Variants in RPS6KC1 observed in about 807,000 individuals in gnomAD.
The protein encoded by RPS6KC1 is inactive ribosomal protein S6 kinase delta-1.
In RPS6KC1, 54 loss-of-function variants were observed where a neutral mutation model predicts 103.8. That is an observed-to-expected ratio of 0.52 (90% CI 0.42 to 0.65). The LOEUF is 0.65. Ranked by LOEUF, RPS6KC1 falls within the 30% of genes least tolerant of loss-of-function variation. RPS6KC1 has a pLI of 0.00. For synonymous variants in RPS6KC1, 439 were observed against 438.7 expected (o/e 1.00, Z -0.01); for missense variants, 1,151 against 1,253.8 (o/e 0.92, Z 1.24).
intron 8 of RPS6KC1, among the ~76,000 whole-genome samples, chr1:213,215,280 G>T (rs757428426): frequency 6.6e-6 from 1 of 152,192 alleles, no homozygotes; most frequent in Non-Finnish European, 1.5e-5. Flanking sequence ...GGGTATCAGT[G>T]ATGGAAGATC....
At chr1:213,767,129 G>C in the RPS6KC1 span, among the ~76,000 whole-genome samples, 9 of 152,122 alleles carry the variant, frequency 5.9e-5, 1 homozygote, top group South Asian at 1.9e-3. Flanking sequence ...TTTCTCTGCC[G>C]CCTTTAGCTT....
chr1:213,261,258 T>A (rs1359891713), intron 12 of RPS6KC1, among the ~76,000 whole-genome samples: 2 of 152,060 alleles, frequency 1.3e-5, no homozygotes, highest in Non-Finnish European at 2.9e-5. Context: ...ATGTAAAAAA[T>A]TAAGCAAAAT....
the RPS6KC1 span, among the ~76,000 whole-genome samples, chr1:213,515,606 A>G: frequency 6.6e-6 from 1 of 152,324 alleles, no homozygotes; most frequent in East Asian, 1.9e-4. Flanking sequence ...TTTTTGTACC[A>G]GTACCATGCT....
chr1:213,736,115 TG>T, the RPS6KC1 span, among the ~76,000 whole-genome samples: 1 of 152,210 alleles, frequency 6.6e-6, no homozygotes, highest in South Asian at 2.1e-4. Context: ...CCTATCAAAA[TG>T]TTTGAAAAGA....
At chr1:213,272,448 G>A (rs1312217723) in intron 14 of RPS6KC1, 76 bp from the exon 15 acceptor site, 1 of 1,148,118 alleles carries the variant, frequency 8.7e-7, no homozygotes, top group Non-Finnish European at 1.3e-6. Flanking sequence ...TTTAGAAGTT[G>A]TTTCTTTTCA....
chr1:213,590,769 G>A, the RPS6KC1 span, among the ~76,000 whole-genome samples: 60 of 152,102 alleles, frequency 3.9e-4, no homozygotes, highest in Admixed American at 2.1e-3. Context: ...TCCGGCAGCC[G>A]GGTGGTGGTG....
At chr1:213,230,386 T>G in intron 8 of RPS6KC1, 111 bp from the exon 9 acceptor site, 2 of 649,012 alleles carry the variant, frequency 3.1e-6, no homozygotes, top group South Asian at 4.5e-5. Context: ...TGAACAATTT[T>G]GGGGAGGGGA....
the RPS6KC1 span, among the ~76,000 whole-genome samples, chr1:213,458,377 C>CA: frequency 6.6e-6 from 1 of 150,726 alleles, no homozygotes; most frequent in African/African-American, 2.5e-5. Flanking sequence ...AAACGTAACA[C>CA]TTTTTTTTTA....
intron 3 of RPS6KC1, among the ~76,000 whole-genome samples, chr1:213,094,081 A>G (rs907393617): frequency 3.4e-5 from 3 of 88,836 alleles, no homozygotes; most frequent in Non-Finnish European, 7.8e-5. Flanking sequence ...TTTCAAATTT[A>G]TGCTCCCCCC....
At chr1:213,771,152 C>G in the RPS6KC1 span, among the ~76,000 whole-genome samples, 1 of 144,456 alleles carries the variant, frequency 6.9e-6, no homozygotes, top group Non-Finnish European at 1.5e-5. Flanking sequence ...TGTTTTTCCT[C>G]CTCTAAGTAA....
chr1:213,686,310 G>A, the RPS6KC1 span, among the ~76,000 whole-genome samples: 1 of 152,174 alleles, frequency 6.6e-6, no homozygotes, highest in Non-Finnish European at 1.5e-5. Context: ...GTTGGTTCCA[G>A]CTGAGAAAGA....
intron 8 of RPS6KC1, among the ~76,000 whole-genome samples, chr1:213,197,314 T>A (rs2092988401): frequency 6.6e-6 from 1 of 152,210 alleles, no homozygotes; most frequent in South Asian, 2.1e-4. Flanking sequence ...TTTCTAGTTC[T>A]GTGAAGAATG....
chr1:213,369,164 A>G, the RPS6KC1 span, among the ~76,000 whole-genome samples: 1 of 152,216 alleles, frequency 6.6e-6, no homozygotes, highest in African/African-American at 2.4e-5. Context: ...AGACCTGAGA[A>G]GAGTGGGCTG....
the RPS6KC1 span, among the ~76,000 whole-genome samples, chr1:213,338,548 C>A: frequency 2.4e-4 from 36 of 152,130 alleles, no homozygotes; most frequent in Non-Finnish European, 4.4e-4. Context: ...TTCAGTAAAC[C>A]CTTGGATATC....
At chr1:213,842,588 C>T in the RPS6KC1 span, among the ~76,000 whole-genome samples, 1 of 152,184 alleles carries the variant, frequency 6.6e-6, no homozygotes, top group Non-Finnish European at 1.5e-5. Context: ...TCCTCACCAG[C>T]GTGATTCAGT....
intron 8 of RPS6KC1, among the ~76,000 whole-genome samples, chr1:213,217,010 A>G (rs2093683311): frequency 6.6e-6 from 1 of 151,712 alleles, no homozygotes; most frequent in Non-Finnish European, 1.5e-5. Context: ...AAGGCAAGAA[A>G]TAACTAAGAT....
chr1:213,169,176 C>G (rs1187861965), intron 7 of RPS6KC1, among the ~76,000 whole-genome samples: 1 of 152,132 alleles, frequency 6.6e-6, no homozygotes, highest in Non-Finnish European at 1.5e-5. Context: ...TTCATTTCCC[C>G]TTCATATACC....
chr1:213,791,912 C>T, the RPS6KC1 span, among the ~76,000 whole-genome samples: 916 of 152,268 alleles, frequency 6.0e-3, 12 homozygotes, highest in African/African-American at 0.021. Context: ...CCTCCCTGTG[C>T]ACAGGATCCA....
At chr1:213,548,709 A>G in the RPS6KC1 span, among the ~76,000 whole-genome samples, 550 of 152,294 alleles carry the variant, frequency 3.6e-3, 2 homozygotes, top group Non-Finnish European at 6.4e-3. Context: ...AAACATGGAT[A>G]ATGGAGTAAG....
Sources: allele counts gnomAD v4.1 joint callset (sites outside exome capture counted in the v4.1 genomes callset), GRCh38; gene constraint gnomAD v4.1.1; transcripts MANE v1.5; gene names NCBI Gene and HGNC (gene_info 2026-07-23, HGNC 2026-07-21).